The following FBXO16 variants were observed in gnomAD, a reference collection of about 807,000 sequenced individuals.
The protein encoded by FBXO16 is F-box protein 16, also known as F-box only protein 16.
Under a neutral mutation model 41.0 loss-of-function variants are expected in FBXO16, and 31 were observed. That is an observed-to-expected ratio of 0.76 (90% confidence interval 0.57 to 1.02). The LOEUF (loss-of-function observed/expected upper bound fraction) is 1.02, where lower values mean the gene tolerates loss of function less well. FBXO16 is among the 50% of genes least tolerant of loss of function. The pLI, the probability that FBXO16 is intolerant of heterozygous loss-of-function variation, is 0.00. For synonymous variants in FBXO16, 133 were observed against 117.8 expected (o/e 1.13, Z -0.84); for missense variants, 361 against 346.2 (o/e 1.04, Z -0.34).
At chr8:28,487,998 G>A (rs180886811) in intron 1 of FBXO16, among the ~76,000 whole-genome samples, 1,776 of 151,780 alleles carry the variant, frequency 0.012, 69 homozygotes, top group Admixed American at 0.077. Flanking sequence ...GATTATAGGC[G>A]CCTGCCACCA....
In FBXO16 at chr8:28,469,084, G is replaced by A. The variant is rs1196968321; in HGVS notation, c.135+4688C>T. ...AGCACTTTGGAAGGCCGAGGCAGGC[G>A]GATCACCTGAGGTCAGGAGTTCGAG... On this transcript the variant is annotated intron_variant, in intron 3 of 8. Transcript: ENST00000380254. 2.0e-5 allele frequency among the ~76,000 whole-genome samples: 3 copies of A among 151,960 alleles called. No individual in the cohort carries two copies. The South Asian group carries it at 6.2e-4, about 32-fold the overall frequency.
intron 7 of FBXO16, among the ~76,000 whole-genome samples, chr8:28,438,103 A>T (rs1441078495): frequency 6.6e-6 from 1 of 151,332 alleles, no homozygotes; most frequent in Non-Finnish European, 1.5e-5. Context: ...ATAGCTTGAG[A>T]CCCGGAGCTC....
At chr8:28,441,124 A>T (rs1802765646) in intron 7 of FBXO16, among the ~76,000 whole-genome samples, 1 of 152,136 alleles carries the variant, frequency 6.6e-6, no homozygotes, top group Admixed American at 6.6e-5. Flanking sequence ...AACGGCAAAC[A>T]GGTTTAATTG....
chr8:28,475,980 G>A (rs921035814), intron 2 of FBXO16, among the ~76,000 whole-genome samples: 1 of 152,180 alleles, frequency 6.6e-6, no homozygotes, highest in African/African-American at 2.4e-5. Context: ...GCTCAACACT[G>A]CACTTGATTC....
chr8:28,435,716 G>T (rs1802677804), intron 7 of FBXO16, among the ~76,000 whole-genome samples: 1 of 152,154 alleles, frequency 6.6e-6, no homozygotes, highest in African/African-American at 2.4e-5. Flanking sequence ...ATTAGGAAAG[G>T]GTAGGTACAT....
At chr8:28,438,659 C>T (rs1416701517) in intron 7 of FBXO16, among the ~76,000 whole-genome samples, 2 of 152,184 alleles carry the variant, frequency 1.3e-5, no homozygotes, top group East Asian at 1.9e-4. Context: ...CAGTGACGTT[C>T]GTTAGTCTTG....
At chr8:28,472,666 C>T (rs1179624365) in intron 3 of FBXO16, among the ~76,000 whole-genome samples, 1 of 151,978 alleles carries the variant, frequency 6.6e-6, no homozygotes, top group Non-Finnish European at 1.5e-5. Context: ...CACTTGAACC[C>T]GGGAGGCGGA....
At chr8:28,447,306 A>G in intron 6 of FBXO16, 33 bp from the exon 7 acceptor site, 2 of 1,576,242 alleles carry the variant, frequency 1.3e-6, no homozygotes, top group Admixed American at 1.7e-5. Context: ...AAAATTACAA[A>G]GTATCTTTTT....
chr8:28,463,210 GTGTT>G (rs1379800362), intron 4 of FBXO16, among the ~76,000 whole-genome samples: 1 of 151,044 alleles, frequency 6.6e-6, no homozygotes, highest in Non-Finnish European at 1.5e-5. Flanking sequence ...ATGTGTTTGT[GTGTT>G]TATGTGTGTC....
intron 5 of FBXO16, among the ~76,000 whole-genome samples, chr8:28,453,504 G>T (rs1449887742): frequency 1.3e-5 from 2 of 151,934 alleles, no homozygotes; most frequent in African/African-American, 4.9e-5. Context: ...TGTCTTGTGT[G>T]TGTGAAATTC....
At chr8:28,447,076 G>A in intron 7 of FBXO16, 95 bp downstream of exon 7, 8 of 1,168,322 alleles carry the variant, frequency 6.8e-6, no homozygotes, top group Non-Finnish European at 9.8e-6. Context: ...CCATGATTCT[G>A]ATTAAATAAA....
intron 4 of FBXO16, among the ~76,000 whole-genome samples, chr8:28,463,276 G>A (rs1803170664): frequency 6.6e-6 from 1 of 151,238 alleles, no homozygotes; most frequent in Non-Finnish European, 1.5e-5. Flanking sequence ...ATTTGTGTGT[G>A]CATGTGTATA....
intron 7 of FBXO16, among the ~76,000 whole-genome samples, chr8:28,444,443 C>T (rs1472846099): frequency 6.0e-5 from 9 of 150,408 alleles, no homozygotes; most frequent in African/African-American, 2.2e-4. Context: ...GCTGGTACTA[C>T]AGGCGTGTGC....
chr8:28,435,234 G>A (rs138130644), intron 7 of FBXO16, among the ~76,000 whole-genome samples: 4,261 of 151,108 alleles, frequency 0.028, 203 homozygotes, highest in East Asian at 0.22. Flanking sequence ...GCAATGGTGC[G>A]ATCCTGGCTC....
chr8:28,482,150 T>C (rs570506572), intron 2 of FBXO16, among the ~76,000 whole-genome samples: 209 of 152,324 alleles, frequency 1.4e-3, no homozygotes, highest in African/African-American at 4.8e-3. Context: ...TCATCTTTTA[T>C]TGTGAAACAG....
At chr8:28,439,859 CTG>C (rs1802740780) in intron 7 of FBXO16, among the ~76,000 whole-genome samples, 1 of 84,184 alleles carries the variant, frequency 1.2e-5, no homozygotes, top group African/African-American at 5.5e-5. Context: ...TGCAGAAACT[CTG>C]TTCTATAAAT....
chr8:28,484,182 A>G (rs1803564902), intron 1 of FBXO16, among the ~76,000 whole-genome samples: 1 of 152,206 alleles, frequency 6.6e-6, no homozygotes, highest in Non-Finnish European at 1.5e-5. Context: ...GAAGAGAAGT[A>G]TTTTAAATTT....
intron 6 of FBXO16, chr8:28,447,561 G>A (rs572587304): frequency 8.3e-6 from 3 of 359,626 alleles, no homozygotes; most frequent in Non-Finnish European, 1.6e-5. Flanking sequence ...GGGTGGATGA[G>A]ACGGTATGTA....
At position 28,463,834 on chromosome 8, in the gene FBXO16, A is replaced by G. The variant is rs758717416; in HGVS notation, c.136-16T>C. ...ATTTGTCAAACTGGAAACACAAAAC[A>G]AAGCAAAATGTAAAAAGCTCCAGGT... On this transcript the variant is annotated splice_polypyrimidine_tract_variant and intron_variant, in intron 3 of 8. Coordinates refer to ENST00000380254, the MANE Select transcript of FBXO16 (RefSeq NM_172366.4). 4 of 1,611,120 alleles carry G rather than the reference A, an allele frequency of 2.5e-6. No homozygotes were observed. Among genetic ancestry groups the G allele is most frequent in the Admixed American group, 1.7e-5 (1 of 59,898 alleles).
Sources: gnomAD v4.1 joint callset for allele counts (sites outside exome capture counted in the v4.1 genomes callset) on GRCh38, gnomAD v4.1.1 for gene constraint, MANE v1.5 for transcripts, NCBI Gene and HGNC (gene_info 2026-07-23, HGNC 2026-07-21) for gene names.